Variants in MAPK8IP1 observed in about 807,000 individuals in gnomAD.
MAPK8IP1 encodes the protein C-Jun-amino-terminal kinase-interacting protein 1.
Under a neutral mutation model 72.6 loss-of-function variants are expected in MAPK8IP1, and 17 were observed. The ratio of observed to expected loss-of-function variants is 0.23; its 90% CI spans 0.16 to 0.35. The LOEUF (loss-of-function observed/expected upper bound fraction) is 0.35. Ranked by LOEUF, MAPK8IP1 falls within the 10% of genes least tolerant of loss-of-function variation. The pLI is 1.00. For missense variants in MAPK8IP1, 789 were observed against 1,009.7 expected (o/e 0.78, Z 2.96); for synonymous variants, 401 against 443.4 (o/e 0.90, Z 1.20).
chr11:45,895,617 C>A (rs2086597625), intron 1 of MAPK8IP1, among the ~76,000 whole-genome samples: 1 of 49,436 alleles, frequency 2.0e-5, no homozygotes. Flanking sequence ...GAAAGGCCGT[C>A]TCAAAAAAAA....
chr11:45,902,901 T>C lies in MAPK8IP1; in HGVS notation c.1134T>C (p.Ser378=). ...SSDTSALSYD[S]VKYTLVVDEH... Reference sequence around the variant, plus strand: ...ACACCAGCGCCCTGTCCTATGACTCTGTCAAGTACACGCTGGTGGTAGATG... The same window carrying C: ...ACACCAGCGCCCTGTCCTATGACTCCGTCAAGTACACGCTGGTGGTAGATG... Residue 378 remains serine, a synonymous_variant, in exon 5 of 12, where the codon TCT becomes TCC. Coordinates refer to ENST00000241014, the MANE Select transcript of MAPK8IP1 (RefSeq NM_005456.4). This position sits in a 1 kb window ranked among gnomAD's most constrained non-coding sequence, Gnocchi z 9.3. The C allele has an allele frequency of 4.4e-6, 7 of 1,607,646 alleles. No individual in the cohort carries two copies. The highest frequency in any genetic ancestry group is 5.9e-6 in the Non-Finnish European group (7 of 1,177,494).
Position 45,885,907 on chromosome 11 carries a change from G to C in MAPK8IP1, c.87G>C (p.Ser29=). Residue 29 remains serine (S), a synonymous_variant, in exon 1 of 12, where the codon TCG becomes TCC. Coordinates refer to ENST00000241014, the MANE Select transcript of MAPK8IP1 (RefSeq NM_005456.4). The stretch of plus-strand genomic sequence containing the variant: ...CGTTCCTGGGGCTGCACATCGCTTC[G>C]CCTCCCAATTTCAGGTGAGAGTCCC... ...ASPFLGLHIA[S]PPNFRLTHDI... is the part of the protein sequence containing the mutation. 1 of 1,474,534 alleles carries C rather than the reference G, an allele frequency of 6.8e-7. No individual in the cohort carries two copies. The highest frequency in any genetic ancestry group is 1.3e-5 in the South Asian group (1 of 76,182). The allele number at this position is 1,474,534 out of a possible 1,614,324, so 91.3% of individuals were successfully genotyped here. A position where few individuals can be genotyped will look rare whatever the true frequency, so the allele number is the denominator to read the frequency against.
intron 1 of MAPK8IP1, 58 bp from the exon 2 acceptor site, chr11:45,898,027 G>A (rs2086621262): frequency 2.0e-6 from 2 of 1,016,800 alleles, no homozygotes; most frequent in East Asian, 2.4e-5. Flanking sequence ...AGGTAACAGG[G>A]AGATGTGAGC....
intron 2 of MAPK8IP1, among the ~76,000 whole-genome samples, chr11:45,898,416 A>T (rs1180440916): frequency 6.6e-6 from 1 of 152,174 alleles, no homozygotes; most frequent in African/African-American, 2.4e-5. Context: ...GGACTAAGAC[A>T]GGAAGTAGCT....
Position 45,902,398 on chromosome 11 carries a change from A to C in MAPK8IP1, c.631A>C (p.Ile211Leu), listed in dbSNP as rs752976108. Residue 211 changes from isoleucine (I) to leucine (L), a missense_variant, in exon 5 of 12, where the codon ATC (isoleucine) becomes CTC (leucine). Around this residue, in one of 4 missense-constraint regions of MAPK8IP1, gnomAD observed 377 missense variants for 411.7 expected, o/e 0.92. Coordinates refer to ENST00000241014, the MANE Select transcript of MAPK8IP1 (RefSeq NM_005456.4). The surrounding 1 kb of genome is among the most constrained non-coding windows in gnomAD (Gnocchi z 9.3). ...TGEQTPPHEH[I>L]CLSDELPPQS... ...GGAGCAGACACCACCGCATGAACACATCTGCCTGAGCGATGAGCTGCCCCC... is the reference window on the plus strand; with the variant it reads ...GGAGCAGACACCACCGCATGAACACCTCTGCCTGAGCGATGAGCTGCCCCC... The C allele has an allele frequency of 5.1e-6, 8 of 1,575,398 alleles. No homozygotes were observed. Among genetic ancestry groups the C allele is most frequent in the South Asian group, 3.5e-5 (3 of 86,576 alleles).
intron 1 of MAPK8IP1, among the ~76,000 whole-genome samples, chr11:45,889,148 A>G (rs973468769): frequency 2.6e-5 from 4 of 152,260 alleles, no homozygotes; most frequent in African/African-American, 7.2e-5. Flanking sequence ...TAAAAATGAA[A>G]TTGATTTTTT....
At position 45,885,839 on chromosome 11, in the gene MAPK8IP1, G is replaced by C. The variant is rs1322963919; in HGVS notation, c.19G>C (p.Gly7Arg). 4.9e-6 allele frequency: 7 copies of C among 1,437,382 alleles called. No homozygotes were observed. Among genetic ancestry groups the C allele is most frequent in the Non-Finnish European group, 6.4e-6 (7 of 1,093,394 alleles). 89.0% of individuals were successfully genotyped at this position (1,437,382 alleles called of 1,614,324 possible). Residue 7 changes from glycine (G) to arginine (R), a missense_variant, in exon 1 of 12, where the codon GGC becomes CGC. Physicochemically the swap from Gly to Arg is moderately radical, Grantham distance 125 (BLOSUM62 -2). Coordinates refer to ENST00000241014, the MANE Select transcript of MAPK8IP1 (RefSeq NM_005456.4). The stretch of plus-strand genomic sequence containing the variant: ...CCCGAGAATGGCGGAGCGAGAAAGC[G>C]GCGGCCTGGGAGGGGGGGCCGCGTC... MAERES[G>R]GLGGGAASPP...
At chr11:45,895,914 C>G (rs1419924116) in intron 1 of MAPK8IP1, among the ~76,000 whole-genome samples, 2 of 152,070 alleles carry the variant, frequency 1.3e-5, no homozygotes, top group African/African-American at 4.8e-5. Flanking sequence ...CCAGGCCCTC[C>G]TCCCCACTTC....
At chr11:45,896,647 G>T in intron 1 of MAPK8IP1, 1 of 1,393,990 alleles carries the variant, frequency 7.2e-7, no homozygotes, top group South Asian at 1.7e-5. Flanking sequence ...TGAGGGCTGC[G>T]CTGGGAAGAG....
chr11:45,896,994 T>G (rs994574983), intron 1 of MAPK8IP1: 1 of 1,547,820 alleles, frequency 6.5e-7, no homozygotes, highest in South Asian at 1.2e-5. Context: ...CGAGTTGGGG[T>G]GAGCTCCATC....
intron 1 of MAPK8IP1, among the ~76,000 whole-genome samples, chr11:45,887,222 T>A (rs1023377812): frequency 1.3e-5 from 2 of 152,224 alleles, no homozygotes; most frequent in East Asian, 3.8e-4. Context: ...GCTCCACTAC[T>A]TTCTAACTGC....
chr11:45,889,676 A>G (rs1362424589), intron 1 of MAPK8IP1, among the ~76,000 whole-genome samples: 1 of 152,064 alleles, frequency 6.6e-6, no homozygotes, highest in African/African-American at 2.4e-5. Flanking sequence ...TCGTCCAACC[A>G]GCTCCCTCCC....
intron 3 of MAPK8IP1, among the ~76,000 whole-genome samples, chr11:45,901,072 G>GCC (rs1355662693): frequency 6.6e-6 from 1 of 152,164 alleles, no homozygotes; most frequent in Non-Finnish European, 1.5e-5. Flanking sequence ...GGGGGAGCTG[G>GCC]CTGTGGCCCT....
rs2086683980 is a variant in MAPK8IP1 at position 45,904,231 on chromosome 11, C to T, written c.1666+70C>T. ...CTGCCCCAACTTGCTGCTAGGTGAA[C>T]GTGTACTCCAGATCTCAGCCAGCCA... On this transcript the variant is annotated intron_variant, in intron 7 of 11. Coordinates refer to ENST00000241014, the MANE Select transcript of MAPK8IP1 (RefSeq NM_005456.4). This position sits in a 1 kb window ranked among gnomAD's most constrained non-coding sequence, Gnocchi z 6.4. The T allele has an allele frequency of 9.2e-6, 14 of 1,518,388 alleles. No individual in the cohort carries two copies. In the East Asian group the frequency reaches 2.4e-4, roughly 26 times the overall value. The allele number at this position is 1,518,388 out of a possible 1,614,324, so 94.1% of individuals were successfully genotyped here.
At chr11:45,897,048 C>A in intron 1 of MAPK8IP1, 2 of 1,327,510 alleles carry the variant, frequency 1.5e-6, no homozygotes, top group Non-Finnish European at 1.1e-6. Flanking sequence ...GGCAGGGAGT[C>A]TGGGCCTCCT....
rs747459961 is a variant in MAPK8IP1 at position 45,902,953 on chromosome 11, C to T, written c.1186C>T (p.Leu396=). ...DEHAQLELVS[L]RPCFGDYSDE... is the part of the protein sequence containing the mutation. ...GCATGCACAGCTGGAGCTGGTGAGC[C>T]TGCGGCCGTGCTTCGGAGACTACAG... Residue 396 remains leucine, a synonymous_variant, in exon 5 of 12, where the codon CTG becomes TTG. Transcript: ENST00000241014. This position sits in a 1 kb window ranked among gnomAD's most constrained non-coding sequence, Gnocchi z 9.3. The T allele has an allele frequency of 7.4e-6, 12 of 1,611,828 alleles. No homozygotes were observed. Among genetic ancestry groups the T allele is most frequent in the Admixed American group, 3.3e-5 (2 of 59,948 alleles).
In MAPK8IP1 at chr11:45,906,444, A is replaced by AAAG. The variant is rs1371888037; in HGVS notation, c.*724_*726dup. 1 of 1,269,520 alleles carries AAAG rather than the reference A, an allele frequency of 7.9e-7. No homozygotes were observed. The highest frequency in any genetic ancestry group is 1.5e-5 in the African/African-American group (1 of 65,774). The allele number at this position is 1,269,520 out of a possible 1,614,324, so 78.6% of individuals were successfully genotyped here. ...TCCTGTCACCCTGGCCCCAACTATT[A>AAAG]AAGTGCCATTTCCTGTCTGGACTGC... On this transcript the variant is annotated 3_prime_UTR_variant, in exon 12 of 12. Transcript: ENST00000241014.
chr11:45,903,996 C>T lies in MAPK8IP1; in HGVS notation c.1501C>T (p.Pro501Ser), dbSNP rs1412475968. The T allele has an allele frequency of 6.2e-7, 1 of 1,613,014 alleles. No homozygotes were observed. The highest frequency in any genetic ancestry group is 8.5e-7 in the Non-Finnish European group (1 of 1,179,894). The change falls in exon 7 of 12, where the codon CCT (proline) becomes TCT (serine). Residue 501 changes from proline to serine, a missense_variant. Coordinates refer to ENST00000241014, the MANE Select transcript of MAPK8IP1 (RefSeq NM_005456.4). This position sits in a 1 kb window ranked among gnomAD's most constrained non-coding sequence, Gnocchi z 6.4. ...TGTCCTTGCTGGGGACAGGTTTGTG[C>T]CTCGACACGAAGACGAACTTGAGCT... ...QTHRAIFRFV[P>S]RHEDELELEV...
rs745721156 is a variant in MAPK8IP1 at position 45,902,601 on chromosome 11, TGAG to T, written c.838_840del (p.Glu280del). On this transcript the variant is annotated inframe_deletion, in exon 5 of 12. Transcript: ENST00000241014. This position sits in a 1 kb window ranked among gnomAD's most constrained non-coding sequence, Gnocchi z 9.3. Reference sequence around the variant, plus strand: ...AGGCCGATGTGCGACTAGAGGCCACTGAGGAGATCTACCTGACCCCAGTGCAGA... The same window carrying T: ...AGGCCGATGTGCGACTAGAGGCCACTGAGATCTACCTGACCCCAGTGCAGA... 3.1e-6 allele frequency: 5 copies of T among 1,612,806 alleles called. No homozygotes were observed. Among genetic ancestry groups the T allele is most frequent in the South Asian group, 2.2e-5 (2 of 91,072 alleles).
Sources: gnomAD v4.1 joint callset for allele counts (sites outside exome capture counted in the v4.1 genomes callset) on GRCh38, gnomAD v4.1.1 for gene constraint, gnomAD v4.1.1 regional missense constraint, Gnocchi (gnomAD v3.1) non-coding constraint, MANE v1.5 for transcripts, NCBI Gene and HGNC (gene_info 2026-07-23, HGNC 2026-07-21) for gene names.